TMEM132D: variants seen among roughly 807,000 people sequenced by gnomAD.
TMEM132D encodes the protein mature OL transmembrane protein.
TMEM132D carries 21 observed loss-of-function variants against 62.3 expected under a neutral mutation model. That is an observed-to-expected ratio of 0.34 (90% CI 0.24 to 0.49). TMEM132D has a LOEUF of 0.49. Among genes scored for constraint, TMEM132D ranks in the 20% least tolerant of loss-of-function variants. The pLI is 0.99. For synonymous variants in TMEM132D, 621 were observed against 575.6 expected, an observed-to-expected ratio of 1.08 and a Z score of -1.13; for missense variants, 1,346 against 1,402.8, an observed-to-expected ratio of 0.96 and a Z score of 0.65.
At chr12:129,747,582 A>G (rs1040713515) in intron 1 of TMEM132D, among the ~76,000 whole-genome samples, 27 of 149,440 alleles carry the variant, frequency 1.8e-4, no homozygotes, top group African/African-American at 5.4e-4. Context: ...ACACACACAC[A>G]CGCGCTCACA....
At chr12:129,517,844 T>A (rs1875727962) in intron 3 of TMEM132D, among the ~76,000 whole-genome samples, 1 of 152,166 alleles carries the variant, frequency 6.6e-6, no homozygotes, top group Non-Finnish European at 1.5e-5. Context: ...CTTGGCTTCT[T>A]TCTGATGATA....
Position 129,074,445 on chromosome 12 carries a change from G to T in TMEM132D, c.2730C>A (p.Ser910=), listed in dbSNP as rs774802246. 2 of 1,614,082 alleles carry T rather than the reference G, an allele frequency of 1.2e-6. No individual in the cohort carries two copies. Among genetic ancestry groups the T allele is most frequent in the East Asian group, 4.5e-5 (2 of 44,870 alleles). Residue 910 remains serine (S), a synonymous_variant, in exon 9 of 9, where the codon TCC becomes TCA. Coordinates refer to ENST00000422113, the MANE Select transcript of TMEM132D (RefSeq NM_133448.3). Reference sequence around the variant, plus strand: ...CAATTTCTAAGTCGCTCAGCCCTTTGGATGCCTGCATAAGGTCATTCCCAT... The same window carrying T: ...CAATTTCTAAGTCGCTCAGCCCTTTTGATGCCTGCATAAGGTCATTCCCAT... ...EMDGNDLMQA[S]KGLSDLEIGM...
In TMEM132D at chr12:129,788,229, T is replaced by C. The variant is rs186322706; in HGVS notation, c.80-87531A>G. 8.5e-4 allele frequency among the ~76,000 whole-genome samples: 130 copies of C among 152,338 alleles called. 3 individuals are homozygous for C. Among genetic ancestry groups the C allele is most frequent in the African/African-American group, 3.0e-3 (126 of 41,578 alleles). The stretch of plus-strand genomic sequence containing the variant: ...ACGGACTCCTGGAATTGGACTTTCC[T>C]GAAAGGTAGCCTATGAGAGCTCTAG... On this transcript the variant is annotated intron_variant, in intron 1 of 8. Coordinates refer to ENST00000422113, the MANE Select transcript of TMEM132D (RefSeq NM_133448.3).
intron 1 of TMEM132D, among the ~76,000 whole-genome samples, chr12:129,800,101 C>A (rs1468901194): frequency 2.0e-5 from 3 of 152,202 alleles, no homozygotes; most frequent in African/African-American, 7.2e-5. Flanking sequence ...CCCAGCACAT[C>A]TCCCCTGCCA....
intron 5 of TMEM132D, among the ~76,000 whole-genome samples, chr12:129,104,142 T>C (rs1875407361): frequency 6.7e-6 from 1 of 149,694 alleles, no homozygotes; most frequent in Admixed American, 6.7e-5. Context: ...CTTCAAACTA[T>C]ACTACAAGGC....
intron 3 of TMEM132D, among the ~76,000 whole-genome samples, chr12:129,530,536 C>A (rs1159897438): frequency 1.3e-5 from 2 of 152,142 alleles, no homozygotes; most frequent in African/African-American, 4.8e-5. Flanking sequence ...TTTAATTTCT[C>A]CCTAGAGTGA....
chr12:129,716,957 G>A (rs940473832), intron 1 of TMEM132D, among the ~76,000 whole-genome samples: 1 of 152,210 alleles, frequency 6.6e-6, no homozygotes, highest in Admixed American at 6.5e-5. Context: ...TAGAAATGGT[G>A]CAGGCCAACG....
chr12:129,622,372 T>C (rs1314323098), intron 2 of TMEM132D, among the ~76,000 whole-genome samples: 1 of 152,146 alleles, frequency 6.6e-6, no homozygotes, highest in Non-Finnish European at 1.5e-5. Flanking sequence ...TCTTACGCCT[T>C]GGCAAGGGTC....
intron 4 of TMEM132D, among the ~76,000 whole-genome samples, chr12:129,305,492 T>C (rs1254607235): frequency 6.6e-6 from 1 of 152,130 alleles, no homozygotes; most frequent in Non-Finnish European, 1.5e-5. Flanking sequence ...GAATTGAGTA[T>C]AGATGTATGC....
At chr12:129,773,918 C>G (rs1005053295) in intron 1 of TMEM132D, among the ~76,000 whole-genome samples, 5 of 152,120 alleles carry the variant, frequency 3.3e-5, no homozygotes, top group African/African-American at 7.2e-5. Context: ...AATGAGAATG[C>G]TAAGATATAC....
chr12:129,676,197 C>T lies in TMEM132D; in HGVS notation c.968+23613G>A, dbSNP rs139540439. On this transcript the variant is annotated intron_variant, in intron 2 of 8. Transcript: ENST00000422113. ...TGTTAAGCTCTAGCAAAAAATAAAC[C>T]ACATCAAGATGATGGGGGCAGGGAG... is the stretch of plus-strand genomic sequence containing the variant. 4.9e-3 allele frequency among the ~76,000 whole-genome samples: 747 copies of T among 152,220 alleles called. 32 individuals are homozygous for T. In the East Asian group the frequency reaches 0.081, roughly 16 times the overall value.
chr12:129,682,525 G>A (rs264512), intron 2 of TMEM132D, among the ~76,000 whole-genome samples: 38,621 of 151,936 alleles, frequency 0.25, 5,121 homozygotes, highest in Middle Eastern at 0.33. Context: ...TAATTATTAG[G>A]GTGTAAAGTG....
chr12:129,887,501 CCTCT>C (rs778995496), intron 1 of TMEM132D, among the ~76,000 whole-genome samples: 13 of 152,148 alleles, frequency 8.5e-5, no homozygotes, highest in Admixed American at 3.3e-4. Flanking sequence ...ATAAAATTTT[CCTCT>C]CTATTTGTTG....
At chr12:129,830,473 T>C (rs745482407) in intron 1 of TMEM132D, among the ~76,000 whole-genome samples, 14 of 152,188 alleles carry the variant, frequency 9.2e-5, no homozygotes, top group Non-Finnish European at 1.9e-4. Flanking sequence ...AAAGGCTTAG[T>C]AGAAACTCAA....
intron 3 of TMEM132D, among the ~76,000 whole-genome samples, chr12:129,367,929 G>A (rs902459737): frequency 9.2e-5 from 14 of 152,006 alleles, no homozygotes; most frequent in Non-Finnish European, 1.8e-4. Flanking sequence ...GGAATCACAC[G>A]CACCTGCCAC....
At chr12:129,317,002 C>A (rs1868509210) in intron 4 of TMEM132D, among the ~76,000 whole-genome samples, 1 of 152,006 alleles carries the variant, frequency 6.6e-6, no homozygotes, top group Admixed American at 6.6e-5. Flanking sequence ...GTATGACACT[C>A]CTTTACTTTA....
intron 2 of TMEM132D, among the ~76,000 whole-genome samples, chr12:129,658,644 A>C (rs944565182): frequency 6.6e-6 from 1 of 152,200 alleles, no homozygotes; most frequent in Non-Finnish European, 1.5e-5. Context: ...GGGACTTCTG[A>C]GACTGCAGCC....
intron 3 of TMEM132D, among the ~76,000 whole-genome samples, chr12:129,485,679 C>T: frequency 6.6e-6 from 1 of 152,174 alleles, no homozygotes; most frequent in East Asian, 1.9e-4. Context: ...CAGACCTCTC[C>T]ACAGGAACAT....
rs75973674 is a variant in TMEM132D, at chr12:129,096,359, G to A, written c.1444-11657C>T. ...GCTGAGACAGAAGGTCCATTAGGCC[G>A]TGATATCTGTGAAGGAGGAAGGGAA... On this transcript the variant is annotated intron_variant, in intron 5 of 8. Transcript: ENST00000422113. 7.0e-4 allele frequency among the ~76,000 whole-genome samples: 106 copies of A among 152,220 alleles called. No homozygotes were observed. In the East Asian group the frequency reaches 0.019, roughly 27 times the overall value.
Sources: allele counts gnomAD v4.1 joint callset (sites outside exome capture counted in the v4.1 genomes callset), GRCh38; gene constraint gnomAD v4.1.1; transcripts MANE v1.5; gene names NCBI Gene and HGNC (gene_info 2026-07-23, HGNC 2026-07-21).